HTT: variants seen among roughly 807,000 people sequenced by gnomAD.
HTT encodes huntington disease protein.
A neutral mutation model predicts 362.3 loss-of-function variants in HTT; 104 were observed. The observed-to-expected ratio is 0.29, with a 90% CI of 0.24 to 0.34. The LOEUF (loss-of-function observed/expected upper bound fraction) is 0.34, where lower values mean the gene tolerates loss of function less well. Ranked by LOEUF, HTT falls within the 10% of genes least tolerant of loss-of-function variation. The pLI, the probability that HTT is intolerant of heterozygous loss-of-function variation, is 1.00. For missense variants in HTT, 3,301 were observed against 3,928.6 expected, an observed-to-expected ratio of 0.84 and a Z score of 4.27; for synonymous variants, 1,577 against 1,548.7, an observed-to-expected ratio of 1.02 and a Z score of -0.43.
Position 3,142,838 on chromosome 4 carries a change from T to A in HTT, c.3018T>A (p.Ile1006=). Residue 1006 remains isoleucine (I), a synonymous_variant, in exon 23 of 67, where the codon ATT becomes ATA. Transcript: ENST00000355072. ...VTMENNLSRV[I]AAVSHELITS... is the part of the protein sequence containing the mutation. ...TGGAAAATAACCTTTCAAGAGTTAT[T>A]GCAGCAGTTTCTCATGAACTAATCA... 1 of 1,610,206 alleles carries A rather than the reference T, an allele frequency of 6.2e-7. No homozygotes were observed. Among genetic ancestry groups the A allele is most frequent in the East Asian group, 2.2e-5 (1 of 44,828 alleles).
chr4:3,147,988 C>G lies in HTT; in HGVS notation c.3296-17C>G, dbSNP rs1188331568. ...TGCTATTGGGGTGGAGAGGTAATGT[C>G]TGTGCCCATATCACAGCCAGTGCTC... On this transcript the variant is annotated splice_polypyrimidine_tract_variant and intron_variant, in intron 25 of 66. Coordinates refer to ENST00000355072, the MANE Select transcript of HTT (RefSeq NM_001388492.1). 6.2e-7 allele frequency: 1 copy of G among 1,601,030 alleles called. No individual in the cohort carries two copies. Among genetic ancestry groups the G allele is most frequent in the Non-Finnish European group, 8.5e-7 (1 of 1,171,864 alleles).
rs774527769 is a variant in HTT at position 3,236,149 on chromosome 4, G to A, written c.8786G>A (p.Gly2929Glu). Reference sequence around the variant, plus strand: ...TTCGTACTGAACACTTTTGTTACAGGAAAGGAGAAAGTCAGTCCGGGTAGA... The same window carrying A: ...TTCGTACTGAACACTTTTGTTACAGAAAAGGAGAAAGTCAGTCCGGGTAGA... ...LGLMLTCMYT[G>E]KEKVSPGRTS... Residue 2929 changes from glycine (G) to glutamate (E), a missense_variant and splice_region_variant, in exon 64 of 67, where the codon GGA (glycine) becomes GAA (glutamate). Physicochemically the swap from Gly to Glu is moderately conservative, Grantham distance 98. Around this residue, in one of 4 missense-constraint regions of HTT, gnomAD observed 753 missense variants for 1,021.3 expected, o/e 0.74. Coordinates refer to ENST00000355072, the MANE Select transcript of HTT (RefSeq NM_001388492.1). 8.1e-6 allele frequency: 13 copies of A among 1,612,170 alleles called. No homozygotes were observed. Among genetic ancestry groups the A allele is most frequent in the Non-Finnish European group, 1.7e-6 (2 of 1,178,248 alleles).
chr4:3,189,278 A>G (rs930518459), intron 40 of HTT, among the ~76,000 whole-genome samples, 185 bp downstream of exon 40: 7 of 152,254 alleles, frequency 4.6e-5, no homozygotes, highest in African/African-American at 1.4e-4. Context: ...TCTTGGGTAT[A>G]TACCCAAAAG....
chr4:3,103,491 G>T (rs990695507), intron 3 of HTT, among the ~76,000 whole-genome samples: 1 of 152,058 alleles, frequency 6.6e-6, no homozygotes, highest in Non-Finnish European at 1.5e-5. Flanking sequence ...CTCCCAAAGT[G>T]CTGGGATTAC....
At chr4:3,136,088 T>A in intron 20 of HTT, 121 bp downstream of exon 20, 2 of 908,938 alleles carry the variant, frequency 2.2e-6, no homozygotes, top group Non-Finnish European at 3.4e-6. Context: ...ACAGTTTATA[T>A]CATGAAAGTT....
intron 2 of HTT, among the ~76,000 whole-genome samples, chr4:3,088,347 C>T (rs556827229): frequency 1.4e-4 from 21 of 151,982 alleles, no homozygotes; most frequent in East Asian, 5.8e-4. Context: ...CCACCACACC[C>T]GGCTAATTTT....
chr4:3,138,673 G>A (rs2110196346), intron 21 of HTT, among the ~76,000 whole-genome samples: 1 of 152,274 alleles, frequency 6.6e-6, no homozygotes, highest in Non-Finnish European at 1.5e-5. Context: ...GAGTGTGGTG[G>A]TGCGATCTCG....
chr4:3,240,259 G>C lies in HTT; in HGVS notation c.*200G>C, dbSNP rs1416563960. 1.7e-6 allele frequency: 1 copy of C among 604,198 alleles called. No individual in the cohort carries two copies. The highest frequency in any genetic ancestry group is 2.9e-6 in the Non-Finnish European group (1 of 340,598). The allele number at this position is 604,198 out of a possible 1,614,324, so 37.4% of individuals were successfully genotyped here. A position where few individuals can be genotyped will look rare whatever the true frequency, so the allele number is the denominator to read the frequency against. ...AGTGGCCAGGCAGGGAGTGTCTGCA[G>C]TCCTGGTGGGGCTGAGCCTGAGGCC... On this transcript the variant is annotated 3_prime_UTR_variant, in exon 67 of 67. Coordinates refer to ENST00000355072, the MANE Select transcript of HTT (RefSeq NM_001388492.1).
chr4:3,211,155 C>T (rs925989252), intron 47 of HTT, among the ~76,000 whole-genome samples: 12 of 151,476 alleles, frequency 7.9e-5, no homozygotes, highest in East Asian at 1.9e-4. Context: ...CCGCCCACCT[C>T]GGCCTCCCAA....
In HTT at chr4:3,212,002, C is replaced by T. The variant is rs1720180430; in HGVS notation, c.6488C>T (p.Ala2163Val). 1 of 1,614,160 alleles carries T rather than the reference C, an allele frequency of 6.2e-7. No homozygotes were observed. The highest frequency in any genetic ancestry group is 8.5e-7 in the Non-Finnish European group (1 of 1,180,022). The change falls in exon 48 of 67, where the codon GCC (alanine) becomes GTC (valine). Residue 2163 changes from alanine (A) to valine (V), a missense_variant. Around this residue, in one of 4 missense-constraint regions of HTT, gnomAD observed 2,316 missense variants for 2,658.5 expected, o/e 0.87. Coordinates refer to ENST00000355072, the MANE Select transcript of HTT (RefSeq NM_001388492.1). ...MSEISGGQKS[A>V]LFEAAREVTL... ...GAAATTTCTGGTGGCCAGAAGAGTG[C>T]CCTTTTTGAAGCAGCCCGTGAGGTG...
At position 3,142,772 on chromosome 4, in the gene HTT, T is replaced by C. The variant is rs1716410495; in HGVS notation, c.2952T>C (p.Tyr984=). Residue 984 remains tyrosine (Y), a synonymous_variant, in exon 23 of 67, where the codon TAT becomes TAC. Coordinates refer to ENST00000355072, the MANE Select transcript of HTT (RefSeq NM_001388492.1). The part of the protein sequence containing the change: ...HFSVSTITRI[Y]RGYNLLPSIT... ...TCTATATTTTTGTTATTAGAATATA[T>C]AGAGGCTATAACCTACTACCAAGCA... 6.7e-7 allele frequency: 1 copy of C among 1,482,254 alleles called. No homozygotes were observed. Among genetic ancestry groups the C allele is most frequent in the Non-Finnish European group, 9.4e-7 (1 of 1,060,746 alleles). 91.8% of individuals were successfully genotyped at this position (1,482,254 alleles called of 1,614,324 possible).
chr4:3,239,822 CT>C, intron 66 of HTT, 23 bp from the exon 67 acceptor site: 3 of 1,542,692 alleles, frequency 1.9e-6, no homozygotes, highest in Non-Finnish European at 2.6e-6. Context: ...ATTTGCCGGC[CT>C]TTTTCCTTAA....
rs1721879616 is a variant in HTT at position 3,242,998 on chromosome 4, C to A, written c.*2939C>A. 6.6e-6 allele frequency: 1 copy of A among 152,346 alleles called. No individual in the cohort carries two copies. The highest frequency in any genetic ancestry group is 1.5e-5 in the Non-Finnish European group (1 of 68,034). The allele number at this position is 152,346 out of a possible 1,614,324, so 9.4% of individuals were successfully genotyped here. A position where few individuals can be genotyped will look rare whatever the true frequency, so the allele number is the denominator to read the frequency against. On this transcript the variant is annotated 3_prime_UTR_variant, in exon 67 of 67. Coordinates refer to ENST00000355072, the MANE Select transcript of HTT (RefSeq NM_001388492.1). ...GTGAAGCTGAACCCCCTCCAGACAC[C>A]CAGAATGTAGCATCTGAGAAGGCCC...
At chr4:3,153,816 C>G (rs979107416) in intron 26 of HTT, among the ~76,000 whole-genome samples, 2 of 151,994 alleles carry the variant, frequency 1.3e-5, no homozygotes, top group Non-Finnish European at 2.9e-5. Context: ...CCCATCTACT[C>G]TGGAGGCTGA....
intron 3 of HTT, among the ~76,000 whole-genome samples, chr4:3,101,815 C>G (rs980211753): frequency 6.6e-6 from 1 of 152,304 alleles, no homozygotes; most frequent in Admixed American, 6.5e-5. Flanking sequence ...GCTGGCAAAT[C>G]ACCACCACCG....
chr4:3,180,774 G>A (rs1718477081), intron 36 of HTT, 123 bp downstream of exon 36: 1 of 664,112 alleles, frequency 1.5e-6, no homozygotes, highest in Non-Finnish European at 2.2e-6. Flanking sequence ...GGGCTTTCTG[G>A]GGCCTGGGTA....
intron 59 of HTT, among the ~76,000 whole-genome samples, chr4:3,229,340 C>G (rs1721105689): frequency 7.2e-6 from 1 of 139,462 alleles, no homozygotes. Flanking sequence ...CCACATGCAC[C>G]ACACCACACA....
At chr4:3,173,432 G>A (rs1183376722) in intron 31 of HTT, among the ~76,000 whole-genome samples, 2 of 152,144 alleles carry the variant, frequency 1.3e-5, no homozygotes, top group African/African-American at 4.8e-5. Flanking sequence ...TTGCCAAAGT[G>A]TGTCAGCAAA....
intron 60 of HTT, among the ~76,000 whole-genome samples, chr4:3,230,446 C>G (rs555861656): frequency 6.6e-6 from 1 of 152,176 alleles, no homozygotes; most frequent in Non-Finnish European, 1.5e-5. Context: ...GTTCCAGGCC[C>G]CCCGAGCTTC....
Sources: allele counts gnomAD v4.1 joint callset (sites outside exome capture counted in the v4.1 genomes callset), GRCh38; gene constraint gnomAD v4.1.1; regional missense constraint gnomAD v4.1.1; transcripts MANE v1.5; gene names NCBI Gene and HGNC (gene_info 2026-07-23, HGNC 2026-07-21).